The following NXPE4 variants were observed in gnomAD, a reference collection of about 807,000 sequenced individuals.
NXPE4 encodes the protein neurexophilin and PC-esterase domain family member 4, also known as NXPE family member 4.
A neutral mutation model predicts 33.3 loss-of-function variants in NXPE4; 42 were observed. The observed-to-expected ratio is 1.26, with a 90% CI of 0.98 to 1.63. The LOEUF (loss-of-function observed/expected upper bound fraction) is 1.63, where lower values mean the gene tolerates loss of function less well. NXPE4 is among the 40% of genes most tolerant of loss of function. The probability of loss-of-function intolerance (pLI) is 0.00; values close to 1 mark genes in which losing one functional copy is unlikely to be tolerated. For synonymous variants in NXPE4, 253 were observed against 234.9 expected, an observed-to-expected ratio of 1.08 and a Z score of -0.71; for missense variants, 709 against 647.6, an observed-to-expected ratio of 1.09 and a Z score of -1.03.
At chr11:114,649,568 T>G in the NXPE4 span, among the ~76,000 whole-genome samples, 2 of 152,220 alleles carry the variant, frequency 1.3e-5, no homozygotes, top group Non-Finnish European at 2.9e-5. Flanking sequence ...AGTGGTTGCC[T>G]GGGCAACTAG....
the NXPE4 span, among the ~76,000 whole-genome samples, chr11:114,625,265 G>A: frequency 2.6e-5 from 4 of 152,274 alleles, no homozygotes; most frequent in East Asian, 1.9e-4. Flanking sequence ...TTTCCCAGTG[G>A]GTAATACGAG....
At position 114,571,084 on chromosome 11, in the gene NXPE4, G is replaced by C; in HGVS notation, c.1489C>G (p.Leu497Val). 2 of 1,613,916 alleles carry C rather than the reference G, an allele frequency of 1.2e-6. No individual in the cohort carries two copies. Among genetic ancestry groups the C allele is most frequent in the Non-Finnish European group, 1.7e-6 (2 of 1,179,896 alleles). Residue 497 changes from leucine (L) to valine (V), a missense_variant, in exon 6 of 6, where the codon CTC (leucine) becomes GTC (valine). Physicochemically the swap from Leu to Val is conservative, Grantham distance 32. Coordinates refer to ENST00000375478, the MANE Select transcript of NXPE4 (RefSeq NM_001077639.2). ...FSDFHGYIQYLIIKDIFQDLS... is the reference protein window; with the variant it reads ...FSDFHGYIQYVIIKDIFQDLS... ...TCCTGGAAAATGTCCTTTATGATGAGATATTGAATGTAACCATGAAAGTCA... is the reference window on the plus strand; with the variant it reads ...TCCTGGAAAATGTCCTTTATGATGACATATTGAATGTAACCATGAAAGTCA...
the NXPE4 span, among the ~76,000 whole-genome samples, chr11:114,632,032 A>G: frequency 6.8e-6 from 1 of 146,226 alleles, no homozygotes; most frequent in Non-Finnish European, 1.5e-5. Flanking sequence ...ATTATACTTT[A>G]TATATAATAT....
chr11:114,581,107 TTTC>T (rs1324852293), intron 4 of NXPE4, among the ~76,000 whole-genome samples: 1 of 152,228 alleles, frequency 6.6e-6, no homozygotes, highest in African/African-American at 2.4e-5. Context: ...CAAGGCTTTC[TTTC>T]TTTTTTTATG....
the NXPE4 span, among the ~76,000 whole-genome samples, chr11:114,639,891 A>G: frequency 8.6e-6 from 1 of 115,946 alleles, no homozygotes; most frequent in Non-Finnish European, 1.6e-5. Flanking sequence ...AATATGTTAT[A>G]TATTATATTA....
chr11:114,629,253 T>C, the NXPE4 span, among the ~76,000 whole-genome samples: 15 of 152,184 alleles, frequency 9.9e-5, no homozygotes, highest in East Asian at 2.9e-3. Flanking sequence ...TTGATGAACA[T>C]TGATGCAAAA....
At chr11:114,591,037 G>A (rs568079273) in intron 2 of NXPE4, among the ~76,000 whole-genome samples, 2 of 152,262 alleles carry the variant, frequency 1.3e-5, no homozygotes, top group African/African-American at 2.4e-5. Context: ...GATCTATGAA[G>A]CCAGGGAGGA....
the NXPE4 span, among the ~76,000 whole-genome samples, chr11:114,629,786 C>A: frequency 6.6e-6 from 1 of 150,644 alleles, no homozygotes; most frequent in African/African-American, 2.4e-5. Context: ...TGTCTCAGCC[C>A]AAAATCTCCT....
chr11:114,622,250 GATA>G, the NXPE4 span, among the ~76,000 whole-genome samples: 1 of 104,700 alleles, frequency 9.6e-6, no homozygotes, highest in African/African-American at 3.0e-5. Context: ...TTATCCAGTG[GATA>G]ATAAGTGTTG....
chr11:114,631,079 C>G, the NXPE4 span, among the ~76,000 whole-genome samples: 29,339 of 151,628 alleles, frequency 0.19, 3,448 homozygotes, highest in African/African-American at 0.33. Flanking sequence ...GTTGGTGGGA[C>G]TGTAAACTAG....
intron 2 of NXPE4, among the ~76,000 whole-genome samples, chr11:114,593,985 C>T (rs1383429767): frequency 6.6e-6 from 1 of 151,860 alleles, no homozygotes; most frequent in African/African-American, 2.4e-5. Context: ...TAATTGAAGT[C>T]ATGGAGTTAG....
the NXPE4 span, among the ~76,000 whole-genome samples, chr11:114,630,304 G>A: frequency 6.6e-6 from 1 of 151,658 alleles, no homozygotes; most frequent in Non-Finnish European, 1.5e-5. Flanking sequence ...AAAACAGCAT[G>A]GTACTGGTAC....
At chr11:114,620,432 C>T in the NXPE4 span, among the ~76,000 whole-genome samples, 1 of 152,038 alleles carries the variant, frequency 6.6e-6, no homozygotes, top group Non-Finnish European at 1.5e-5. Context: ...CATGGGTAAC[C>T]ACTGTTACCC....
the NXPE4 span, among the ~76,000 whole-genome samples, chr11:114,658,445 C>T: frequency 1.3e-5 from 2 of 152,066 alleles, no homozygotes; most frequent in African/African-American, 2.4e-5. Context: ...CTCCACTGGG[C>T]ACTCATGAGA....
chr11:114,601,010 C>A, the NXPE4 span, among the ~76,000 whole-genome samples: 2 of 151,932 alleles, frequency 1.3e-5, no homozygotes, highest in African/African-American at 4.8e-5. Context: ...CAGGTTGATG[C>A]TGCCACTTGA....
the NXPE4 span, among the ~76,000 whole-genome samples, chr11:114,670,762 A>G: frequency 6.6e-6 from 1 of 151,956 alleles, no homozygotes; most frequent in Non-Finnish European, 1.5e-5. Context: ...GGAGATCAGT[A>G]TATAAATTTG....
At chr11:114,641,272 A>G in the NXPE4 span, among the ~76,000 whole-genome samples, 1 of 152,036 alleles carries the variant, frequency 6.6e-6, no homozygotes, top group African/African-American at 2.4e-5. Context: ...ATCACTATCT[A>G]TATTTTAAAA....
the NXPE4 span, among the ~76,000 whole-genome samples, chr11:114,602,298 ATATACTATATATAATATATAT>A: frequency 1.7e-5 from 2 of 117,998 alleles, no homozygotes; most frequent in Non-Finnish European, 3.2e-5. Flanking sequence ...TATCTATAAC[ATATACTATATATAATATATAT>A]TATACTATAT....
chr11:114,613,150 C>T, the NXPE4 span, among the ~76,000 whole-genome samples: 111 of 151,486 alleles, frequency 7.3e-4, 2 homozygotes, highest in Middle Eastern at 3.4e-3. Context: ...TCATAGATAA[C>T]GACTGTTACC....
Sources: gnomAD v4.1 joint callset for allele counts (sites outside exome capture counted in the v4.1 genomes callset) on GRCh38, gnomAD v4.1.1 for gene constraint, MANE v1.5 for transcripts, NCBI Gene and HGNC (gene_info 2026-07-23, HGNC 2026-07-21) for gene names.